The following PPP1R12A variants were observed in gnomAD, a reference collection of about 807,000 sequenced individuals.
PPP1R12A encodes the protein myosin binding subunit.
PPP1R12A carries 19 observed loss-of-function variants against 139.6 expected under a neutral mutation model. The ratio of observed to expected loss-of-function variants is 0.14; its 90% confidence interval spans 0.09 to 0.20. The LOEUF is 0.20. Ranked by LOEUF, PPP1R12A falls within the 10% of genes least tolerant of loss-of-function variation. The pLI, the probability that PPP1R12A is intolerant of heterozygous loss-of-function variation, is 1.00. For synonymous variants in PPP1R12A, 427 were observed against 420.6 expected (o/e 1.02, Z -0.19); for missense variants, 925 against 1,211.5 (o/e 0.76, Z 3.51).
chr12:79,773,702 C>T lies in PPP1R12A; in HGVS notation c.*2227G>A, dbSNP rs984355389. 6.6e-6 allele frequency: 1 copy of T among 152,118 alleles called. No individual in the cohort carries two copies. Among genetic ancestry groups the T allele is most frequent in the Admixed American group, 6.5e-5 (1 of 15,272 alleles). 9.4% of individuals were successfully genotyped at this position (152,118 alleles called of 1,614,324 possible). A position where few individuals can be genotyped will look rare whatever the true frequency, so the allele number is the denominator to read the frequency against. The stretch of plus-strand genomic sequence containing the variant: ...TGCTGTGCAAATTATCACAATATTA[C>T]AATTTCAGAAATTATTCAAATTGGT... On this transcript the variant is annotated 3_prime_UTR_variant, in exon 25 of 25. Transcript: ENST00000450142.
intron 14 of PPP1R12A, among the ~76,000 whole-genome samples, chr12:79,801,252 G>A (rs1398633900): frequency 1.5e-5 from 2 of 136,452 alleles, no homozygotes; most frequent in Admixed American, 7.5e-5. Flanking sequence ...GGCTGAGGCA[G>A]GAGAACTGCT....
In PPP1R12A at chr12:79,805,604, C is replaced by G. The variant is rs1340916271; in HGVS notation, c.1988G>C (p.Arg663Thr). 1 of 1,613,660 alleles carries G rather than the reference C, an allele frequency of 6.2e-7. No individual in the cohort carries two copies. Residue 663 changes from arginine to threonine, a missense_variant, in exon 14 of 25, where the codon AGG becomes ACG. By Grantham distance (71) the Arg-to-Thr change is moderately conservative. Transcript: ENST00000450142. The stretch of plus-strand genomic sequence containing the variant: ...GACCTTTACACACCTGCGTCTCTCC[C>G]TGACCTCTGTTGTGGAGGAGACAGT... ...AGTVSSTTEV[R>T]ERRRSYLTPV...
Position 79,781,845 on chromosome 12 carries a change from A to G in PPP1R12A, c.2925T>C (p.Ala975=). The change falls in exon 23 of 25, where the codon GCT becomes GCC. Residue 975 remains alanine, a synonymous_variant. Coordinates refer to ENST00000450142, the MANE Select transcript of PPP1R12A (RefSeq NM_002480.3). The part of the protein sequence containing the change: ...EKATQRQERF[A]DRSLLEMEKR... ...TTTCCATTTCCAACAGTGATCTATC[A>G]GCAAATCTTTCTTGTCTCTGCAACA... is the stretch of plus-strand genomic sequence containing the variant. The G allele has an allele frequency of 6.5e-7, 1 of 1,544,654 alleles. No individual in the cohort carries two copies. The highest frequency in any genetic ancestry group is 8.8e-7 in the Non-Finnish European group (1 of 1,141,622).
chr12:79,813,945 A>C (rs998871245), intron 9 of PPP1R12A, among the ~76,000 whole-genome samples: 4 of 152,198 alleles, frequency 2.6e-5, no homozygotes, highest in Non-Finnish European at 2.9e-5. Flanking sequence ...GAACTTGATA[A>C]CTTTATCTAA....
At chr12:79,908,139 T>C (rs1281484758) in intron 1 of PPP1R12A, among the ~76,000 whole-genome samples, 1 of 152,230 alleles carries the variant, frequency 6.6e-6, no homozygotes, top group Non-Finnish European at 1.5e-5. Context: ...ATCTTTCCCA[T>C]ATAAGGCTTT....
intron 1 of PPP1R12A, among the ~76,000 whole-genome samples, chr12:79,929,477 T>A (rs1441568927): frequency 6.6e-6 from 1 of 152,132 alleles, no homozygotes; most frequent in Non-Finnish European, 1.5e-5. Context: ...ATATTAAGAA[T>A]TTTTTAGGCC....
chr12:79,779,565 CATT>C (rs1870163581), intron 23 of PPP1R12A: 1 of 363,886 alleles, frequency 2.7e-6, no homozygotes, highest in South Asian at 2.1e-5. Context: ...CATGCCTAAA[CATT>C]ATTGTATAGA....
At chr12:79,845,763 G>C (rs1879306010) in intron 2 of PPP1R12A, among the ~76,000 whole-genome samples, 1 of 152,122 alleles carries the variant, frequency 6.6e-6, no homozygotes, top group Admixed American at 6.5e-5. Flanking sequence ...AAGAACCCGG[G>C]AGGTGGAGCT....
chr12:79,802,705 C>T (rs1461011312), intron 14 of PPP1R12A, among the ~76,000 whole-genome samples: 1 of 151,990 alleles, frequency 6.6e-6, no homozygotes, highest in Non-Finnish European at 1.5e-5. Flanking sequence ...CGCTTGAGCC[C>T]AGGAGGTCAT....
chr12:79,806,092 A>G (rs1873793984), intron 13 of PPP1R12A, 74 bp downstream of exon 13: 12 of 1,475,898 alleles, frequency 8.1e-6, no homozygotes, highest in Middle Eastern at 1.8e-4. Flanking sequence ...GAGCCCCACA[A>G]TCTTCTAAAC....
At chr12:79,930,084 T>C (rs1374542678) in intron 1 of PPP1R12A, among the ~76,000 whole-genome samples, 1 of 152,126 alleles carries the variant, frequency 6.6e-6, no homozygotes, top group African/African-American at 2.4e-5. Context: ...ACAAACACTA[T>C]TCAGTAAAAA....
intron 5 of PPP1R12A, among the ~76,000 whole-genome samples, chr12:79,826,115 TGAG>T (rs2137130684): frequency 6.6e-6 from 1 of 151,774 alleles, no homozygotes; most frequent in South Asian, 2.1e-4. Flanking sequence ...AAAGAAAAGA[TGAG>T]GAAACTAAAA....
intron 1 of PPP1R12A, among the ~76,000 whole-genome samples, chr12:79,879,950 T>C (rs1361571559): frequency 1.3e-5 from 2 of 152,152 alleles, no homozygotes; most frequent in African/African-American, 4.8e-5. Context: ...TTCCATGCCT[T>C]GCCTCCTCAA....
chr12:79,861,504 G>T (rs937348700), intron 2 of PPP1R12A, among the ~76,000 whole-genome samples: 1 of 152,230 alleles, frequency 6.6e-6, no homozygotes, highest in East Asian at 1.9e-4. Context: ...AAGCAGGGCG[G>T]GGTGTTGCCT....
Position 79,935,066 on chromosome 12 carries a change from C to A in PPP1R12A, c.-135G>T. 1 of 1,406,396 alleles carries A rather than the reference C, an allele frequency of 7.1e-7. No individual in the cohort carries two copies. Among genetic ancestry groups the A allele is most frequent in the Non-Finnish European group, 9.2e-7 (1 of 1,082,482 alleles). 87.1% of individuals were successfully genotyped at this position (1,406,396 alleles called of 1,614,324 possible). ...AGGAGGGCTGGGAACCCGGAGCCGACGCTCGAGACTTCCAGTATCCCACAG... is the reference window on the plus strand; with the variant it reads ...AGGAGGGCTGGGAACCCGGAGCCGAAGCTCGAGACTTCCAGTATCCCACAG... On this transcript the variant is annotated 5_prime_UTR_variant, in exon 1 of 25. Transcript: ENST00000450142.
At chr12:79,873,882 C>T (rs1324544544) in intron 1 of PPP1R12A, among the ~76,000 whole-genome samples, 1 of 152,172 alleles carries the variant, frequency 6.6e-6, no homozygotes, top group Non-Finnish European at 1.5e-5. Flanking sequence ...CTTTTCCATG[C>T]AACATTATGT....
At chr12:79,934,608 C>CA in intron 1 of PPP1R12A, 87 bp downstream of exon 1, 2 of 1,232,598 alleles carry the variant, frequency 1.6e-6, no homozygotes, top group Non-Finnish European at 2.2e-6. Context: ...CCCCCAGCCT[C>CA]AAGAGGTGGA....
chr12:79,918,381 AGT>A (rs1887168095), intron 1 of PPP1R12A, among the ~76,000 whole-genome samples: 1 of 152,152 alleles, frequency 6.6e-6, no homozygotes, highest in South Asian at 2.1e-4. Flanking sequence ...GATAGCCTAT[AGT>A]GTACATTTTA....
intron 1 of PPP1R12A, among the ~76,000 whole-genome samples, chr12:79,883,685 A>C (rs545987211): frequency 1.3e-5 from 2 of 152,320 alleles, no homozygotes; most frequent in East Asian, 3.9e-4. Context: ...TTTGGGAATT[A>C]TCTGCATTGA....
Sources: gnomAD v4.1 joint callset for allele counts (sites outside exome capture counted in the v4.1 genomes callset) on GRCh38, gnomAD v4.1.1 for gene constraint, MANE v1.5 for transcripts, NCBI Gene and HGNC (gene_info 2026-07-23, HGNC 2026-07-21) for gene names.